The following ADGRL4 variants were observed in gnomAD, a reference collection of about 807,000 sequenced individuals.
ADGRL4 encodes adhesion G protein-coupled receptor L4.
In ADGRL4, 90 loss-of-function variants were observed where a neutral mutation model predicts 74.8. The observed-to-expected ratio is 1.20, with a 90% CI of 1.02 to 1.43. The LOEUF (loss-of-function observed/expected upper bound fraction) is 1.43, where lower values mean the gene tolerates loss of function less well. Ranked by LOEUF, ADGRL4 falls within the 40% of genes most tolerant of loss-of-function variation. ADGRL4 has a pLI of 0.00. For missense variants in ADGRL4, 881 were observed against 814.3 expected, an observed-to-expected ratio of 1.08 and a Z score of -1.00; for synonymous variants, 311 against 279.2, an observed-to-expected ratio of 1.11 and a Z score of -1.14.
At chr1:78,908,347 G>T (rs1648688233) in intron 12 of ADGRL4, among the ~76,000 whole-genome samples, 1 of 151,962 alleles carries the variant, frequency 6.6e-6, no homozygotes, top group Non-Finnish European at 1.5e-5. Context: ...GGTTTTGTCT[G>T]TTAGCTACAA....
chr1:78,967,261 T>A (rs114928621), intron 2 of ADGRL4, among the ~76,000 whole-genome samples: 22 of 152,334 alleles, frequency 1.4e-4, no homozygotes, highest in African/African-American at 5.3e-4. Flanking sequence ...GGCTATAAAC[T>A]GCTTTGGGGT....
chr1:78,919,794 C>A (rs1648958181), intron 10 of ADGRL4, among the ~76,000 whole-genome samples: 2 of 151,974 alleles, frequency 1.3e-5, no homozygotes, highest in South Asian at 4.1e-4. Flanking sequence ...CAATTTATCA[C>A]ATTCCAACCT....
chr1:78,975,930 T>C (rs1253156093), intron 2 of ADGRL4, among the ~76,000 whole-genome samples: 2 of 151,796 alleles, frequency 1.3e-5, no homozygotes, highest in Non-Finnish European at 2.9e-5. Context: ...AAAAAATACA[T>C]GAAAGGGTGA....
chr1:78,914,903 T>C (rs1648838201), intron 12 of ADGRL4, among the ~76,000 whole-genome samples: 1 of 151,876 alleles, frequency 6.6e-6, no homozygotes, highest in African/African-American at 2.4e-5. Flanking sequence ...AGTCTGGTTC[T>C]TATTACCATT....
At chr1:78,952,134 T>G (rs1431453568) in intron 2 of ADGRL4, among the ~76,000 whole-genome samples, 1 of 152,038 alleles carries the variant, frequency 6.6e-6, no homozygotes, top group Non-Finnish European at 1.5e-5. Context: ...GAGATATTAT[T>G]GGCCGGGCTC....
intron 12 of ADGRL4, among the ~76,000 whole-genome samples, chr1:78,902,111 A>G (rs1648533137): frequency 6.6e-6 from 1 of 152,186 alleles, no homozygotes; most frequent in Non-Finnish European, 1.5e-5. Context: ...TGAGATTTAT[A>G]CTTTAGAAAA....
At chr1:79,003,375 G>A (rs1483011404) in intron 2 of ADGRL4, among the ~76,000 whole-genome samples, 2 of 151,672 alleles carry the variant, frequency 1.3e-5, no homozygotes, top group Non-Finnish European at 1.5e-5. Context: ...ATCAAAACAA[G>A]TGTATATGGA....
intron 12 of ADGRL4, among the ~76,000 whole-genome samples, chr1:78,900,518 C>T (rs1030199922): frequency 6.6e-6 from 1 of 152,078 alleles, no homozygotes; most frequent in African/African-American, 2.4e-5. Context: ...GTGCCCCCAC[C>T]CAAATCTCAT....
chr1:78,966,000 A>C (rs1202665914), intron 2 of ADGRL4, among the ~76,000 whole-genome samples: 3 of 152,002 alleles, frequency 2.0e-5, no homozygotes, highest in South Asian at 2.1e-4. Context: ...CCAAAAAAAA[A>C]AAAACAAAAA....
At chr1:78,921,054 TATAAA>T (rs3059827) in intron 9 of ADGRL4, among the ~76,000 whole-genome samples, 43,359 of 151,222 alleles carry the variant, frequency 0.29, 6,195 homozygotes, top group Middle Eastern at 0.33. Context: ...AGCACAGAGC[TATAAA>T]ATAAGAAATT....
chr1:78,907,352 T>C lies in ADGRL4; in HGVS notation c.1749+10282A>G, dbSNP rs561268600. Among the ~76,000 whole-genome samples, 27 of 152,184 alleles carry C rather than the reference T, an allele frequency of 1.8e-4. 1 individual carries two copies. The South Asian group carries it at 5.6e-3, about 31-fold the overall frequency. The stretch of plus-strand genomic sequence containing the variant: ...TAGGGAAGGAAATATCATTTCTGAG[T>C]AACTTTTCATGGCGCATCATTCATT... On this transcript the variant is annotated intron_variant, in intron 12 of 14. Transcript: ENST00000370742.
chr1:78,996,282 C>T (rs185986298), intron 2 of ADGRL4, among the ~76,000 whole-genome samples: 3 of 152,258 alleles, frequency 2.0e-5, no homozygotes, highest in South Asian at 2.1e-4. Context: ...TCTCTTCTCA[C>T]GATTTGAGTA....
chr1:78,968,721 T>C (rs1486841661), intron 2 of ADGRL4, among the ~76,000 whole-genome samples: 1 of 152,164 alleles, frequency 6.6e-6, no homozygotes, highest in Non-Finnish European at 1.5e-5. Context: ...TCAGTGTACT[T>C]TATTCATCTG....
At chr1:78,947,086 T>C (rs1015152342) in intron 2 of ADGRL4, among the ~76,000 whole-genome samples, 2 of 152,166 alleles carry the variant, frequency 1.3e-5, no homozygotes, top group Non-Finnish European at 2.9e-5. Flanking sequence ...ATTTATATTA[T>C]CTGTTAAATA....
At chr1:78,913,142 T>C (rs1012916279) in intron 12 of ADGRL4, among the ~76,000 whole-genome samples, 2 of 152,050 alleles carry the variant, frequency 1.3e-5, no homozygotes, top group Non-Finnish European at 2.9e-5. Flanking sequence ...AAATTACAGA[T>C]GCTGGTGAAG....
chr1:78,956,338 T>C (rs1649829131), intron 2 of ADGRL4, among the ~76,000 whole-genome samples: 1 of 152,148 alleles, frequency 6.6e-6, no homozygotes, highest in Non-Finnish European at 1.5e-5. Context: ...CTACATTGGT[T>C]ATGTCAACTG....
chr1:79,005,194 A>C lies in ADGRL4; in HGVS notation c.48T>G (p.Cys16Trp). The C allele has an allele frequency of 1.2e-6, 2 of 1,609,152 alleles. No homozygotes were observed. The highest frequency in any genetic ancestry group is 1.7e-6 in the Non-Finnish European group (2 of 1,178,480). Reference sequence around the variant, plus strand: ...TCTTGGTGCAATTTTGAGTATAGGAACAATTCAACAAAGTGGAAAAAACCA... The same window carrying C: ...TCTTGGTGCAATTTTGAGTATAGGACCAATTCAACAAAGTGGAAAAAACCA... ...LLVVFSTLLN[C>W]SYTQNCTKTP... is the part of the protein sequence containing the mutation. The change falls in exon 2 of 15, where the codon TGT becomes TGG. Residue 16 changes from cysteine to tryptophan, a missense_variant. Coordinates refer to ENST00000370742, the MANE Select transcript of ADGRL4 (RefSeq NM_022159.4).
chr1:78,929,191 C>T (rs1185182859), intron 7 of ADGRL4, among the ~76,000 whole-genome samples: 1 of 151,282 alleles, frequency 6.6e-6, no homozygotes, highest in African/African-American at 2.5e-5. Flanking sequence ...CCTTACTCTT[C>T]TAAAATTCAG....
intron 2 of ADGRL4, among the ~76,000 whole-genome samples, chr1:78,961,837 A>G (rs913495745): frequency 6.6e-6 from 1 of 151,890 alleles, no homozygotes; most frequent in African/African-American, 2.4e-5. Context: ...GCATCATGGT[A>G]CATGGCTTGA....
Sources: gnomAD v4.1 joint callset for allele counts (sites outside exome capture counted in the v4.1 genomes callset) on GRCh38, gnomAD v4.1.1 for gene constraint, MANE v1.5 for transcripts, NCBI Gene and HGNC (gene_info 2026-07-23, HGNC 2026-07-21) for gene names.